The following PPP2R2C variants were observed in gnomAD, a reference collection of about 807,000 sequenced individuals.
PPP2R2C encodes protein phosphatase 2 regulatory subunit Bgamma.
Under a neutral mutation model 45.3 loss-of-function variants are expected in PPP2R2C, and 10 were observed. The observed-to-expected ratio is 0.22, with a 90% CI of 0.14 to 0.37. The LOEUF (loss-of-function observed/expected upper bound fraction) is 0.37, where lower values mean the gene tolerates loss of function less well. Ranked by LOEUF, PPP2R2C falls within the 10% of genes least tolerant of loss-of-function variation. The pLI is 1.00. For synonymous variants in PPP2R2C, 257 were observed against 245.4 expected (o/e 1.05, Z -0.44); for missense variants, 308 against 619.7 (o/e 0.50, Z 5.34).
chr4:6,419,460 A>C (rs1206896979), intron 1 of PPP2R2C, among the ~76,000 whole-genome samples: 1 of 152,086 alleles, frequency 6.6e-6, no homozygotes, highest in East Asian at 1.9e-4. Flanking sequence ...AAAGAAGAGA[A>C]AAGAAAAGAA....
At position 6,445,208 on chromosome 4, in the gene PPP2R2C, CA is replaced by C. The variant is rs374961616; in HGVS notation, c.70+26951del. ...TGTCTCAACAAAAGCAAAATAAAAA[CA>C]AAAAAAAAAACCCTCTCCCAAACTT... is the stretch of plus-strand genomic sequence containing the variant. On this transcript the variant is annotated intron_variant, in intron 1 of 8. Transcript: ENST00000382599. Among the ~76,000 whole-genome samples the C allele has an allele frequency of 9.4e-3, 1,337 of 141,646 alleles. 19 individuals carry two copies. The highest frequency in any genetic ancestry group is 0.031 in the African/African-American group (1,225 of 38,964). 92.9% of individuals were successfully genotyped at this position (141,646 alleles called of 152,430 possible). A position where few individuals can be genotyped will look rare whatever the true frequency, so the allele number is the denominator to read the frequency against.
intron 1 of PPP2R2C, among the ~76,000 whole-genome samples, chr4:6,389,629 G>A (rs55711235): frequency 0.23 from 34,682 of 152,092 alleles, 4,269 homozygotes; most frequent in South Asian, 0.3. Context: ...CCCTCCTCAC[G>A]GAGTCCAGGT....
chr4:6,436,789 G>T (rs944516058), intron 1 of PPP2R2C, among the ~76,000 whole-genome samples: 1 of 152,202 alleles, frequency 6.6e-6, no homozygotes, highest in Admixed American at 6.5e-5. Flanking sequence ...AAACACATAG[G>T]TGTGACTGCA....
intron 5 of PPP2R2C, among the ~76,000 whole-genome samples, chr4:6,359,624 T>TAAA (rs34585147): frequency 3.5e-5 from 5 of 144,014 alleles, no homozygotes; most frequent in East Asian, 2.0e-4. Flanking sequence ...ATTTCACCTG[T>TAAA]AAAAAAAAAA....
At position 6,343,477 on chromosome 4, in the gene PPP2R2C, C is replaced by T. The variant is rs146275458; in HGVS notation, c.790+4369G>A. ...TTCTTCTCTTGGCCTGGTATGGTGG[C>T]TCATGCCTATAATCCCAGCACTGGA... On this transcript the variant is annotated intron_variant, in intron 6 of 8. Transcript: ENST00000382599. 2.7e-3 allele frequency among the ~76,000 whole-genome samples: 406 copies of T among 152,264 alleles called. 2 individuals are homozygous for T. Among genetic ancestry groups the T allele is most frequent in the African/African-American group, 9.5e-3 (393 of 41,542 alleles).
chr4:6,420,755 C>T (rs1234837348), intron 1 of PPP2R2C, among the ~76,000 whole-genome samples: 5 of 152,160 alleles, frequency 3.3e-5, no homozygotes, highest in Non-Finnish European at 1.5e-5. Flanking sequence ...AAACATGAGA[C>T]AATGGAGCCA....
intron 1 of PPP2R2C, among the ~76,000 whole-genome samples, chr4:6,416,948 C>T (rs1184120301): frequency 1.3e-5 from 2 of 152,124 alleles, no homozygotes; most frequent in Non-Finnish European, 1.5e-5. Flanking sequence ...CCCGCCTCTC[C>T]TCTCTTCCTG....
intron 2 of PPP2R2C, among the ~76,000 whole-genome samples, chr4:6,531,474 T>C (rs1266266980): frequency 1.3e-5 from 2 of 152,020 alleles, no homozygotes; most frequent in African/African-American, 4.8e-5. Context: ...AAGCAGTCCC[T>C]GGTAGCCCAG....
rs4596320 is a variant in PPP2R2C, at chr4:6,368,004, T to C, written c.625+4519A>G. Among the ~76,000 whole-genome samples the C allele has an allele frequency of 0.79, 120,325 of 152,160 alleles. 51,223 individuals are homozygous for C. Among genetic ancestry groups the C allele is most frequent in the East Asian group, 1 (5,171 of 5,172 alleles). ...CCAGGGTGCTTTATGTTTTGATGAA[T>C]TAATAATCATTTTCACAGAATGGGA... is the stretch of plus-strand genomic sequence containing the variant. On this transcript the variant is annotated intron_variant, in intron 5 of 8. Transcript: ENST00000382599. The surrounding 1 kb of genome is among the most constrained non-coding windows in gnomAD (Gnocchi z 4.2).
chr4:6,482,923 A>T (rs900698514), intron 2 of PPP2R2C, among the ~76,000 whole-genome samples: 2 of 152,202 alleles, frequency 1.3e-5, no homozygotes, highest in African/African-American at 4.8e-5. Flanking sequence ...TAGAATAAGT[A>T]TTAAAATTTG....
chr4:6,486,583 T>A (rs189532121), intron 2 of PPP2R2C, among the ~76,000 whole-genome samples: 2 of 152,226 alleles, frequency 1.3e-5, no homozygotes, highest in East Asian at 3.9e-4. Context: ...AATTAATTGT[T>A]CCCTTTATCA....
intron 1 of PPP2R2C, among the ~76,000 whole-genome samples, chr4:6,447,500 C>A (rs575721779): frequency 6.6e-6 from 1 of 152,150 alleles, no homozygotes; most frequent in South Asian, 2.1e-4. Flanking sequence ...AAGGGCCCAG[C>A]GCCAGGTCTC....
intron 1 of PPP2R2C, among the ~76,000 whole-genome samples, chr4:6,445,232 CT>C (rs1470150191): frequency 6.6e-6 from 1 of 151,738 alleles, no homozygotes; most frequent in Admixed American, 6.6e-5. Flanking sequence ...CTCTCCCAAA[CT>C]TTTTCAAGGT....
chr4:6,393,777 G>A (rs544354458), intron 1 of PPP2R2C, among the ~76,000 whole-genome samples: 3 of 152,206 alleles, frequency 2.0e-5, no homozygotes, highest in African/African-American at 4.8e-5. Flanking sequence ...AGATGGGCCT[G>A]GGGGAGGTGG....
chr4:6,371,255 G>A (rs941631945), intron 5 of PPP2R2C, among the ~76,000 whole-genome samples: 6 of 152,244 alleles, frequency 3.9e-5, no homozygotes, highest in African/African-American at 4.8e-5. Context: ...TGGCTCAGGG[G>A]ACATCCAACG....
chr4:6,466,137 G>A (rs559572863), intron 1 of PPP2R2C, among the ~76,000 whole-genome samples: 1 of 152,348 alleles, frequency 6.6e-6, no homozygotes, highest in Non-Finnish European at 1.5e-5. Context: ...GACGCACTGA[G>A]AAGGTGCATG....
intron 1 of PPP2R2C, among the ~76,000 whole-genome samples, chr4:6,449,828 C>T (rs1193411413): frequency 1.3e-5 from 2 of 152,126 alleles, no homozygotes; most frequent in African/African-American, 2.4e-5. Context: ...GTATGATTTC[C>T]AGAGAGACAG....
chr4:6,381,451 A>AC, intron 1 of PPP2R2C: 1 of 1,370,634 alleles, frequency 7.3e-7, no homozygotes, highest in Non-Finnish European at 9.5e-7. Flanking sequence ...AATCTCCCAC[A>AC]CCTACCCCTG....
chr4:6,325,544 C>T (rs1731872567), intron 8 of PPP2R2C, among the ~76,000 whole-genome samples: 1 of 152,182 alleles, frequency 6.6e-6, no homozygotes, highest in East Asian at 1.9e-4. Context: ...TGATTTCACA[C>T]AATGCTGGTT....
Sources: allele counts gnomAD v4.1 joint callset (sites outside exome capture counted in the v4.1 genomes callset), GRCh38; gene constraint gnomAD v4.1.1; non-coding constraint Gnocchi (gnomAD v3.1); transcripts MANE v1.5; gene names NCBI Gene and HGNC (gene_info 2026-07-23, HGNC 2026-07-21).